EXOC4: variants seen among roughly 807,000 people sequenced by gnomAD.
The protein encoded by EXOC4 is SEC8-like 1.
A neutral mutation model predicts 107.2 loss-of-function variants in EXOC4; 71 were observed. That is an observed-to-expected ratio of 0.66 (90% CI 0.55 to 0.81). The LOEUF (loss-of-function observed/expected upper bound fraction) is 0.81. Ranked by LOEUF, EXOC4 falls within the 30% of genes least tolerant of loss-of-function variation. The pLI is 0.00. For synonymous variants in EXOC4, 456 were observed against 441.2 expected (o/e 1.03, Z -0.42); for missense variants, 1,108 against 1,189.6 (o/e 0.93, Z 1.01).
At chr7:133,259,946 G>A (rs1469252800) in intron 1 of EXOC4, among the ~76,000 whole-genome samples, 2 of 152,100 alleles carry the variant, frequency 1.3e-5, no homozygotes, top group African/African-American at 4.8e-5. Context: ...TGTCCAGCTG[G>A]AAATACAGAA....
intron 14 of EXOC4, among the ~76,000 whole-genome samples, chr7:133,974,052 A>G (rs1185544132): frequency 6.6e-6 from 1 of 152,210 alleles, no homozygotes; most frequent in African/African-American, 2.4e-5. Flanking sequence ...CCTCAGGCCT[A>G]GTCACCTCTT....
intron 10 of EXOC4, among the ~76,000 whole-genome samples, chr7:133,768,708 G>A (rs1295311624): frequency 1.3e-5 from 2 of 151,876 alleles, no homozygotes; most frequent in African/African-American, 4.8e-5. Flanking sequence ...ATTTAGGAGA[G>A]ATGTTCAGTT....
intron 10 of EXOC4, among the ~76,000 whole-genome samples, chr7:133,779,119 G>C (rs1383321834): frequency 6.6e-6 from 1 of 152,166 alleles, no homozygotes; most frequent in East Asian, 1.9e-4. Flanking sequence ...TGAGTACCTT[G>C]GTTGCAAAAT....
At position 133,630,605 on chromosome 7, in the gene EXOC4, C is replaced by T. The variant is rs551098058; in HGVS notation, c.1514+464C>T. 2.6e-5 allele frequency among the ~76,000 whole-genome samples: 4 copies of T among 152,236 alleles called. No homozygotes were observed. The South Asian group carries it at 6.2e-4, about 24-fold the overall frequency. Reference sequence around the variant, plus strand: ...AACAGGACTCATATGGCCCACAAAGCCTGAAATACTTATTTTCTGGCCCTT... The same window carrying T: ...AACAGGACTCATATGGCCCACAAAGTCTGAAATACTTATTTTCTGGCCCTT... On this transcript the variant is annotated intron_variant, in intron 10 of 17. Coordinates refer to ENST00000253861, the MANE Select transcript of EXOC4 (RefSeq NM_021807.4).
chr7:133,793,413 C>A (rs1585149554), intron 10 of EXOC4, among the ~76,000 whole-genome samples: 1 of 152,124 alleles, frequency 6.6e-6, no homozygotes, highest in East Asian at 1.9e-4. Flanking sequence ...ACAGACCCCA[C>A]GGTGAGGATC....
chr7:133,609,507 G>A (rs1329960190), intron 9 of EXOC4, among the ~76,000 whole-genome samples: 2 of 152,198 alleles, frequency 1.3e-5, no homozygotes, highest in Non-Finnish European at 2.9e-5. Context: ...CAGGGAATAC[G>A]TAGAAGTCAG....
intron 9 of EXOC4, among the ~76,000 whole-genome samples, chr7:133,556,938 C>T (rs1800702546): frequency 6.6e-6 from 1 of 152,128 alleles, no homozygotes; most frequent in Non-Finnish European, 1.5e-5. Context: ...TTCTGCGTCC[C>T]TCTGTTTCAG....
At chr7:133,950,852 C>A (rs750944574) in intron 14 of EXOC4, among the ~76,000 whole-genome samples, 9 of 152,306 alleles carry the variant, frequency 5.9e-5, no homozygotes, top group Admixed American at 2.6e-4. Flanking sequence ...ACGTCTGCTT[C>A]TAAAAGAGGG....
At chr7:134,016,044 T>G (rs1195734224) in intron 17 of EXOC4, among the ~76,000 whole-genome samples, 1 of 151,910 alleles carries the variant, frequency 6.6e-6, no homozygotes, top group East Asian at 1.9e-4. Flanking sequence ...CAAGGATGAC[T>G]CTCCAATTTC....
chr7:133,801,098 C>G (rs1281028946), intron 10 of EXOC4, among the ~76,000 whole-genome samples: 4 of 152,180 alleles, frequency 2.6e-5, no homozygotes, highest in Non-Finnish European at 5.9e-5. Context: ...TTGTTAGTAT[C>G]TCATTCTGTC....
intron 10 of EXOC4, among the ~76,000 whole-genome samples, chr7:133,740,621 T>G (rs1795544104): frequency 6.6e-6 from 1 of 152,192 alleles, no homozygotes; most frequent in African/African-American, 2.4e-5. Flanking sequence ...AACACACATC[T>G]CAGCAAATTG....
At chr7:133,659,615 C>A (rs1803390786) in intron 10 of EXOC4, among the ~76,000 whole-genome samples, 1 of 152,118 alleles carries the variant, frequency 6.6e-6, no homozygotes, top group Admixed American at 6.6e-5. Context: ...GTGTGGATTC[C>A]TGGTCCTTAC....
chr7:133,468,144 T>C (rs6976069), intron 7 of EXOC4, among the ~76,000 whole-genome samples: 55,872 of 152,078 alleles, frequency 0.37, 10,874 homozygotes, highest in African/African-American at 0.49. Context: ...ATGAGTAGTT[T>C]GATCAGATGT....
At chr7:133,653,404 A>G (rs929136069) in intron 10 of EXOC4, among the ~76,000 whole-genome samples, 1 of 152,248 alleles carries the variant, frequency 6.6e-6, no homozygotes, top group African/African-American at 2.4e-5. Context: ...TTTACTTGTA[A>G]AACTGTGTAT....
Position 133,817,530 on chromosome 7 carries a change from C to A in EXOC4, c.1720C>A (p.Arg574=), listed in dbSNP as rs201785279. The A allele has an allele frequency of 2.4e-5, 39 of 1,613,342 alleles. No individual in the cohort carries two copies. The South Asian group carries it at 4.3e-4, about 18-fold the overall frequency. Reference sequence around the variant, plus strand: ...CACCATGAAGGTGCTGGGAGTGCAGCGGCCTCTCCTACAGGTAATAATACA... The same window carrying A: ...CACCATGAAGGTGCTGGGAGTGCAGAGGCCTCTCCTACAGGTAATAATACA... ...ADTMKVLGVQ[R]PLLQSTIIVE... is the part of the protein sequence containing the mutation. The change falls in exon 11 of 18, where the codon CGG becomes AGG. Residue 574 remains arginine, a synonymous_variant. Coordinates refer to ENST00000253861, the MANE Select transcript of EXOC4 (RefSeq NM_021807.4).
chr7:133,855,069 C>CTAAATATATT (rs1488157652), intron 11 of EXOC4, among the ~76,000 whole-genome samples: 1 of 42,964 alleles, frequency 2.3e-5, no homozygotes, highest in African/African-American at 1.8e-4. Flanking sequence ...CTAAATATAT[C>CTAAATATATT]TAAATATATC....
At chr7:133,460,078 GT>G (rs1798554637) in intron 7 of EXOC4, among the ~76,000 whole-genome samples, 1 of 152,210 alleles carries the variant, frequency 6.6e-6, no homozygotes, top group South Asian at 2.1e-4. Context: ...TCAGGGACCA[GT>G]TTCATGGAAG....
intron 9 of EXOC4, among the ~76,000 whole-genome samples, chr7:133,485,527 A>G (rs952397580): frequency 2.6e-5 from 4 of 152,036 alleles, no homozygotes; most frequent in African/African-American, 9.7e-5. Flanking sequence ...ATTGTTGTCT[A>G]ACCTTTTCTA....
chr7:133,938,445 A>G (rs1371375851), intron 14 of EXOC4, among the ~76,000 whole-genome samples: 1 of 152,220 alleles, frequency 6.6e-6, no homozygotes, highest in African/African-American at 2.4e-5. Context: ...TCAGGGCTGT[A>G]TGCACAGCTG....
Sources: gnomAD v4.1 joint callset for allele counts (sites outside exome capture counted in the v4.1 genomes callset) on GRCh38, gnomAD v4.1.1 for gene constraint, MANE v1.5 for transcripts, NCBI Gene and HGNC (gene_info 2026-07-23, HGNC 2026-07-21) for gene names.